SLC2A9: variants seen among roughly 807,000 people sequenced by gnomAD.
SLC2A9 encodes solute carrier family 2 member 9.
In SLC2A9, 39 loss-of-function variants were observed where a neutral mutation model predicts 50.6. The ratio of observed to expected loss-of-function variants is 0.77; its 90% CI spans 0.60 to 1.01. The LOEUF is 1.01. SLC2A9 is among the 50% of genes least tolerant of loss of function. The pLI is 0.00. For synonymous variants in SLC2A9, 324 were observed against 276.9 expected, an observed-to-expected ratio of 1.17 and a Z score of -1.69; for missense variants, 686 against 677.6, an observed-to-expected ratio of 1.01 and a Z score of -0.14.
At chr4:9,958,782 C>T (rs1751740249) in intron 5 of SLC2A9, among the ~76,000 whole-genome samples, 1 of 152,130 alleles carries the variant, frequency 6.6e-6, no homozygotes, top group Admixed American at 6.6e-5. Flanking sequence ...TAGACGAAAG[C>T]AACAGGCTAG....
intron 5 of SLC2A9, among the ~76,000 whole-genome samples, chr4:9,957,752 A>C (rs1290001554): frequency 6.6e-6 from 1 of 152,216 alleles, no homozygotes; most frequent in Non-Finnish European, 1.5e-5. Flanking sequence ...TCCATAAAGA[A>C]CAAAATGATA....
At chr4:9,931,837 C>T (rs529802013) in intron 6 of SLC2A9, among the ~76,000 whole-genome samples, 44 of 150,372 alleles carry the variant, frequency 2.9e-4, no homozygotes, top group Admixed American at 1.7e-3. Flanking sequence ...GAGACAGACA[C>T]GACTCACTAC....
At chr4:9,992,533 C>T (rs530182357) in intron 3 of SLC2A9, among the ~76,000 whole-genome samples, 11 of 152,196 alleles carry the variant, frequency 7.2e-5, no homozygotes, top group Non-Finnish European at 1.0e-4. Flanking sequence ...AACCCTTGAA[C>T]GCATGCAACC....
intron 3 of SLC2A9, among the ~76,000 whole-genome samples, chr4:9,993,804 G>A (rs1758124498): frequency 6.6e-6 from 1 of 152,158 alleles, no homozygotes; most frequent in South Asian, 2.1e-4. Flanking sequence ...CTGCATCTGT[G>A]TGAGGCCCAG....
chr4:9,827,926 C>A (rs897468788), intron 11 of SLC2A9, among the ~76,000 whole-genome samples: 19 of 152,208 alleles, frequency 1.2e-4, no homozygotes, highest in African/African-American at 4.3e-4. Flanking sequence ...CACTGAGCAT[C>A]TGTTTCCTCA....
intron 5 of SLC2A9, among the ~76,000 whole-genome samples, chr4:9,955,508 A>C (rs1169540046): frequency 4.6e-5 from 2 of 43,268 alleles, no homozygotes; most frequent in East Asian, 2.4e-4. Flanking sequence ...AAAAAAAAAA[A>C]AAAAAAAAAA....
intron 7 of SLC2A9, among the ~76,000 whole-genome samples, chr4:9,911,047 C>A (rs528105002): frequency 1.3e-5 from 2 of 151,994 alleles, no homozygotes; most frequent in Admixed American, 1.3e-4. Context: ...ATATCCAATG[C>A]AGATGACAGG....
intron 3 of SLC2A9, among the ~76,000 whole-genome samples, chr4:9,793,301 C>T (rs1720194028): frequency 1.3e-5 from 2 of 152,320 alleles, no homozygotes; most frequent in Middle Eastern, 3.4e-3. Flanking sequence ...GAGGGACTTG[C>T]CCAAATACCC....
intron 10 of SLC2A9, among the ~76,000 whole-genome samples, chr4:9,850,564 G>A (rs1729720532): frequency 6.6e-6 from 1 of 152,054 alleles, no homozygotes; most frequent in Non-Finnish European, 1.5e-5. Flanking sequence ...TGCTTCCCTG[G>A]GACCCTCTTC....
At chr4:9,880,319 CAG>C in intron 10 of SLC2A9, 2 of 985,544 alleles carry the variant, frequency 2.0e-6, no homozygotes, top group Non-Finnish European at 2.4e-6. Flanking sequence ...TGGGTCAACA[CAG>C]GGGGTTGAAG....
intron 2 of SLC2A9, among the ~76,000 whole-genome samples, chr4:10,008,892 G>T (rs1761252247): frequency 1.4e-5 from 2 of 144,502 alleles, no homozygotes; most frequent in African/African-American, 2.6e-5. Context: ...TCAAATTTCT[G>T]TGCGGTGGTT....
At chr4:9,925,243 C>A (rs777472855) in intron 6 of SLC2A9, among the ~76,000 whole-genome samples, 3 of 152,252 alleles carry the variant, frequency 2.0e-5, no homozygotes, top group Non-Finnish European at 2.9e-5. Flanking sequence ...AGGATCCCCT[C>A]AGCAGTTACA....
intron 2 of SLC2A9, among the ~76,000 whole-genome samples, chr4:10,010,125 A>G (rs1481946173): frequency 6.6e-6 from 1 of 152,174 alleles, no homozygotes; most frequent in Non-Finnish European, 1.5e-5. Context: ...ACCTCCAGGG[A>G]AGAGAGGAGG....
intron 3 of SLC2A9, among the ~76,000 whole-genome samples, chr4:9,989,179 C>A (rs376532001): frequency 6.6e-6 from 1 of 152,162 alleles, no homozygotes; most frequent in Non-Finnish European, 1.5e-5. Context: ...ATATGCCCAT[C>A]CACCCCCTTT....
intron 10 of SLC2A9, among the ~76,000 whole-genome samples, chr4:9,836,088 CAAAAAAAAAAAAAAAA>C (rs35303241): frequency 2.1e-5 from 1 of 48,220 alleles, no homozygotes. Context: ...AACTCCCTCT[CAAAAAAAAAAAAAAAA>C]AAAAAAAGAT....
At chr4:10,033,398 C>T (rs748728089) in intron 1 of SLC2A9, among the ~76,000 whole-genome samples, 33 of 152,176 alleles carry the variant, frequency 2.2e-4, no homozygotes, top group Non-Finnish European at 3.8e-4. Flanking sequence ...ACACCCTCTT[C>T]CCCCCGGCTC....
rs149454410 is a variant in SLC2A9, at chr4:9,942,000, C to G, written c.727G>C (p.Val243Leu). The change falls in exon 6 of 12, where the codon GTT (valine) becomes CTT (leucine). Residue 243 changes from valine to leucine, a missense_variant. Coordinates refer to ENST00000264784, the MANE Select transcript of SLC2A9 (RefSeq NM_020041.3). ...AAGGGAAGGCTCAGCAGCTGGACAACGGCAGGGACCACAATCACTCCAAAC... is the reference window on the plus strand; with the variant it reads ...AAGGGAAGGCTCAGCAGCTGGACAAGGGCAGGGACCACAATCACTCCAAAC... ...YLFGVIVVPAVVQLLSLPFLP... is the reference protein window; with the variant it reads ...YLFGVIVVPALVQLLSLPFLP... 5.6e-6 allele frequency: 9 copies of G among 1,614,186 alleles called. No homozygotes were observed. The Admixed American group carries it at 1.5e-4, about 27-fold the overall frequency.
At chr4:9,776,939 C>T (rs911557748), downstream of SLC2A9, among the ~76,000 whole-genome samples, 1 of 152,156 alleles carries the variant, frequency 6.6e-6, no homozygotes, top group African/African-American at 2.4e-5. Flanking sequence ...GACCCTTTTA[C>T]CTCTTTATCA....
At chr4:9,940,246 T>A (rs1747876884) in intron 6 of SLC2A9, among the ~76,000 whole-genome samples, 1 of 152,326 alleles carries the variant, frequency 6.6e-6, no homozygotes, top group South Asian at 2.1e-4. Flanking sequence ...TTCTTTTTAC[T>A]CCAGAGACTC....
Sources: allele counts gnomAD v4.1 joint callset (sites outside exome capture counted in the v4.1 genomes callset), GRCh38; gene constraint gnomAD v4.1.1; transcripts MANE v1.5; gene names NCBI Gene and HGNC (gene_info 2026-07-23, HGNC 2026-07-21).